REG3G: variants seen among roughly 807,000 people sequenced by gnomAD.
The protein encoded by REG3G is regenerating islet-derived protein 3-gamma.
REG3G carries 19 observed loss-of-function variants against 20.9 expected under a neutral mutation model. That is an observed-to-expected ratio of 0.91 (90% confidence interval 0.64 to 1.34). REG3G has a LOEUF of 1.34. REG3G is among the 40% of genes most tolerant of loss of function. The probability of loss-of-function intolerance (pLI) is 0.00; values close to 1 mark genes in which losing one functional copy is unlikely to be tolerated. For synonymous variants in REG3G, 89 were observed against 77.4 expected, an observed-to-expected ratio of 1.15 and a Z score of -0.79; for missense variants, 235 against 205.0, an observed-to-expected ratio of 1.15 and a Z score of -0.89.
At position 79,028,418 on chromosome 2, in the gene REG3G, T is replaced by G. The variant is rs929958038; in HGVS notation, c.*142T>G. The G allele has an allele frequency of 3.4e-6, 2 of 580,628 alleles. No individual in the cohort carries two copies. 36.0% of individuals were successfully genotyped at this position (580,628 alleles called of 1,614,324 possible). ...TTGTCATGATCCTCCTTCTTTTTCCTTTTTCTTCACCTTCATTTCAGGCTT... is the reference window on the plus strand; with the variant it reads ...TTGTCATGATCCTCCTTCTTTTTCCGTTTTCTTCACCTTCATTTCAGGCTT... On this transcript the variant is annotated 3_prime_UTR_variant, in exon 6 of 6. Transcript: ENST00000272324.
At chr2:79,026,436 T>G in intron 2 of REG3G, 2 of 596,472 alleles carry the variant, frequency 3.4e-6, no homozygotes, top group Non-Finnish European at 5.9e-6. Flanking sequence ...CAATGAGATG[T>G]GGGGAGGGAC....
chr2:79,025,902 G>T (rs3816371), intron 1 of REG3G, 81 bp from the exon 2 acceptor site: 84,532 of 588,970 alleles, frequency 0.14, 6,385 homozygotes, highest in South Asian at 0.18. Flanking sequence ...GTACTGGGAG[G>T]TCTCAGGGAT....
Position 79,027,099 on chromosome 2 carries a change from C to G in REG3G, c.261C>G (p.Phe87Leu), listed in dbSNP as rs755636124. 6.2e-7 allele frequency: 1 copy of G among 1,613,898 alleles called. No homozygotes were observed. The stretch of plus-strand genomic sequence containing the variant: ...TGCTCAGTGGGGCTGAGGGATCCTT[C>G]GTGTCCTCCCTGGTGAGGAGCATTA... ...VSVLSGAEGS[F>L]VSSLVRSISN... The change falls in exon 4 of 6, where the codon TTC becomes TTG. Residue 87 changes from phenylalanine to leucine, a missense_variant. By Grantham distance (22) the Phe-to-Leu change is conservative (BLOSUM62 0). Transcript: ENST00000272324.
rs1313325271 is a variant in REG3G, at chr2:79,028,225, A to G, written c.477A>G (p.Lys159=). The change falls in exon 6 of 6, where the codon AAA becomes AAG. Residue 159 remains lysine (K), a synonymous_variant. Coordinates refer to ENST00000272324, the MANE Select transcript of REG3G (RefSeq NM_001008387.3). ...LSRSTGFLKW[K]DYNCDAKLPY... is the part of the protein sequence containing the mutation. ...TCTCCCTAGGATTTCTGAAGTGGAA[A>G]GATTATAACTGTGATGCAAAGTTAC... 1.2e-6 allele frequency: 2 copies of G among 1,612,844 alleles called. No homozygotes were observed. The highest frequency in any genetic ancestry group is 1.7e-6 in the Non-Finnish European group (2 of 1,178,910).
rs774135417 is a variant in REG3G, at chr2:79,028,280, A to T, written c.*4A>T. ...TGTCTGCAAGTTCAAGGACTAGGGC[A>T]GGTGGGAAGTCAGCAGCCTGAGCTT... On this transcript the variant is annotated 3_prime_UTR_variant, in exon 6 of 6. Coordinates refer to ENST00000272324, the MANE Select transcript of REG3G (RefSeq NM_001008387.3). The T allele has an allele frequency of 1.9e-5, 30 of 1,607,310 alleles. No homozygotes were observed. Among genetic ancestry groups the T allele is most frequent in the Non-Finnish European group, 2.6e-5 (30 of 1,173,972 alleles).
At position 79,026,160 on chromosome 2, in the gene REG3G, C is replaced by T; in HGVS notation, c.67C>T (p.Gln23Ter). 1 of 1,613,936 alleles carries T rather than the reference C, an allele frequency of 6.2e-7. No homozygotes were observed. The highest frequency in any genetic ancestry group is 8.5e-7 in the Non-Finnish European group (1 of 1,179,830). Residue 23 changes from glutamine to a stop codon, truncating the protein, a stop_gained, in exon 2 of 6, where the codon CAG (glutamine) becomes TAG (stop). Transcript: ENST00000272324. LOFTEE classifies it high-confidence loss of function. ...MLLSCLILLC[Q>*]VQGEETQKEL... ...GCTTTCCTGCCTCATTCTCCTGTGT[C>T]AGGTTCAAGGTGAGATTTCTCTGCC...
intron 3 of REG3G, 69 bp from the exon 4 acceptor site, chr2:79,026,965 A>G: frequency 6.3e-7 from 1 of 1,596,456 alleles, no homozygotes; most frequent in East Asian, 2.2e-5. Context: ...TCCTCCTCCC[A>G]CCTACCTTTT....
chr2:79,028,107 G>T, intron 5 of REG3G, 102 bp from the exon 6 acceptor site: 1 of 1,267,760 alleles, frequency 7.9e-7, no homozygotes, highest in Non-Finnish European at 1.1e-6. Context: ...AACTGGTGAA[G>T]ATGAGAGAGA....
intron 4 of REG3G, chr2:79,027,393 T>G: frequency 1.8e-6 from 1 of 542,458 alleles, no homozygotes; most frequent in Non-Finnish European, 3.2e-6. Context: ...TTGTAAAACT[T>G]TTACATAATT....
At chr2:79,027,981 C>A (rs1251312650) in intron 5 of REG3G, 48 bp downstream of exon 5, 2 of 1,610,070 alleles carry the variant, frequency 1.2e-6, no homozygotes, top group South Asian at 2.2e-5. Context: ...CACTCCTCAT[C>A]CCCAATTTCC....
In REG3G at chr2:79,027,834, G is replaced by C; in HGVS notation, c.361G>C (p.Glu121Gln). The change falls in exon 5 of 6, where the codon GAG becomes CAG. Residue 121 changes from glutamate (E) to glutamine (Q), a missense_variant. Coordinates refer to ENST00000272324, the MANE Select transcript of REG3G (RefSeq NM_001008387.3). ...CTCTGAGCCTGATGGAGATGGATGG[G>C]AGTGGAGTAGCACTGATGTGATGAA... ...QGSEPDGDGW[E>Q]WSSTDVMNYF... is the part of the protein sequence containing the mutation. The C allele has an allele frequency of 6.2e-7, 1 of 1,614,058 alleles. No homozygotes were observed. Among genetic ancestry groups the C allele is most frequent in the Non-Finnish European group, 8.5e-7 (1 of 1,179,952 alleles).
Position 79,026,008 on chromosome 2 carries a change from G to T in REG3G, c.-86G>T. On this transcript the variant is annotated 5_prime_UTR_variant, in exon 2 of 6. Coordinates refer to ENST00000272324, the MANE Select transcript of REG3G (RefSeq NM_001008387.3). The stretch of plus-strand genomic sequence containing the variant: ...TCCTAGGGGACTACAGAAGGAAAAA[G>T]ACAAGAGGCAGTAGGATATCTGTGT... The T allele has an allele frequency of 2.3e-6, 3 of 1,315,698 alleles. No homozygotes were observed. The highest frequency in any genetic ancestry group is 3.3e-6 in the Non-Finnish European group (3 of 916,080). The allele number at this position is 1,315,698 out of a possible 1,614,324, so 81.5% of individuals were successfully genotyped here.
At position 79,026,020 on chromosome 2, in the gene REG3G, T is replaced by C. The variant is rs113446394; in HGVS notation, c.-74T>C. The C allele has an allele frequency of 0.036, 49,952 of 1,406,570 alleles. 1,109 individuals carry two copies. Among genetic ancestry groups the C allele is most frequent in the Non-Finnish European group, 0.041 (41,181 of 994,372 alleles). 87.1% of individuals were successfully genotyped at this position (1,406,570 alleles called of 1,614,324 possible). On this transcript the variant is annotated 5_prime_UTR_variant, in exon 2 of 6. Coordinates refer to ENST00000272324, the MANE Select transcript of REG3G (RefSeq NM_001008387.3). Reference sequence around the variant, plus strand: ...ACAGAAGGAAAAAGACAAGAGGCAGTAGGATATCTGTGTGTCCTCCCGCTG... The same window carrying C: ...ACAGAAGGAAAAAGACAAGAGGCAGCAGGATATCTGTGTGTCCTCCCGCTG...
rs1671640835 is a variant in REG3G at position 79,027,025 on chromosome 2, C to T, written c.196-9C>T. 1 of 1,613,986 alleles carries T rather than the reference C, an allele frequency of 6.2e-7. No individual in the cohort carries two copies. The highest frequency in any genetic ancestry group is 8.5e-7 in the Non-Finnish European group (1 of 1,179,936). On this transcript the variant is annotated splice_polypyrimidine_tract_variant and intron_variant, in intron 3 of 5. Transcript: ENST00000272324. ...AGGCTCCATCTCATTCTCTTTGTCC[C>T]CCTCAAAGCTGGCTTGCCAGAAGCG...
In REG3G at chr2:79,028,427, A is replaced by G; in HGVS notation, c.*151A>G. ...TCCTCCTTCTTTTTCCTTTTTCTTC[A>G]CCTTCATTTCAGGCTTTTCTCTGTC... On this transcript the variant is annotated 3_prime_UTR_variant, in exon 6 of 6. Transcript: ENST00000272324. 3.5e-6 allele frequency: 2 copies of G among 567,568 alleles called. No individual in the cohort carries two copies. Among genetic ancestry groups the G allele is most frequent in the South Asian group, 2.4e-5 (1 of 42,446 alleles). The allele number at this position is 567,568 out of a possible 1,614,324, so 35.2% of individuals were successfully genotyped here.
intron 2 of REG3G, 130 bp from the exon 3 acceptor site, chr2:79,026,583 C>T (rs1671624441): frequency 5.3e-6 from 4 of 756,926 alleles, no homozygotes; most frequent in Non-Finnish European, 8.9e-6. Context: ...CTTCTGAAAA[C>T]ACAAGGGAAG....
At position 79,027,883 on chromosome 2, in the gene REG3G, C is replaced by G. The variant is rs1444666399; in HGVS notation, c.410C>G (p.Pro137Arg). Residue 137 changes from proline (P) to arginine (R), a missense_variant, in exon 5 of 6, where the codon CCC (proline) becomes CGC (arginine). Physicochemically the swap from Pro to Arg is moderately radical, Grantham distance 103 (BLOSUM62 -2). Coordinates refer to ENST00000272324, the MANE Select transcript of REG3G (RefSeq NM_001008387.3). ...AATTACTTTGCATGGGAGAAAAATC[C>G]CTCCACCATCTTAAACCCTGGCCAC... The part of the protein sequence containing the change: ...VMNYFAWEKN[P>R]STILNPGHCG... 1.4e-5 allele frequency: 22 copies of G among 1,613,992 alleles called. No homozygotes were observed. The highest frequency in any genetic ancestry group is 1.9e-5 in the Non-Finnish European group (22 of 1,179,970).
chr2:79,027,251 C>A, intron 4 of REG3G, 80 bp downstream of exon 4: 4 of 1,465,768 alleles, frequency 2.7e-6, no homozygotes, highest in Non-Finnish European at 3.8e-6. Flanking sequence ...CCAGTCCCTG[C>A]CCAGGAAGTA....
Position 79,026,794 on chromosome 2 carries a change from C to A in REG3G, c.158C>A (p.Ala53Asp), listed in dbSNP as rs199695074. Residue 53 changes from alanine to aspartate, a missense_variant, in exon 3 of 6, where the codon GCC becomes GAC. Physicochemically the swap from Ala to Asp is moderately radical, Grantham distance 126 (BLOSUM62 -2). Transcript: ENST00000272324. The stretch of plus-strand genomic sequence containing the variant: ...AAGGCCTATGGCTCCCCCTGCTATG[C>A]CTTGTTTTTGTCACCAAAATCCTGG... ...GSKAYGSPCY[A>D]LFLSPKSWMD... 8.1e-6 allele frequency: 13 copies of A among 1,613,344 alleles called. No individual in the cohort carries two copies. The highest frequency in any genetic ancestry group is 6.7e-5 in the Admixed American group (4 of 59,934).
Sources: gnomAD v4.1 joint callset for allele counts on GRCh38, gnomAD v4.1.1 for gene constraint, MANE v1.5 for transcripts, NCBI Gene and HGNC (gene_info 2026-07-23, HGNC 2026-07-21) for gene names.